DDX10: variants seen among roughly 807,000 people sequenced by gnomAD.
DDX10 encodes the protein DEAD-box helicase 10.
A neutral mutation model predicts 104.3 loss-of-function variants in DDX10; 74 were observed. The ratio of observed to expected loss-of-function variants is 0.71; its 90% CI spans 0.59 to 0.86. The LOEUF is 0.86. DDX10 is among the 40% of genes least tolerant of loss of function. The pLI, the probability that DDX10 is intolerant of heterozygous loss-of-function variation, is 0.00. For synonymous variants in DDX10, 351 were observed against 353.4 expected, an observed-to-expected ratio of 0.99 and a Z score of 0.08; for missense variants, 952 against 1,040.0, an observed-to-expected ratio of 0.92 and a Z score of 1.16.
chr11:108,919,138 G>A (rs1591125592), intron 17 of DDX10: 1 of 152,218 alleles, frequency 6.6e-6, no homozygotes, highest in African/African-American at 2.4e-5. Flanking sequence ...TTTTTTAATA[G>A]GAAAATTCAC....
At chr11:108,932,237 G>A (rs1296259163) in intron 17 of DDX10, among the ~76,000 whole-genome samples, 3 of 151,916 alleles carry the variant, frequency 2.0e-5, no homozygotes, top group South Asian at 2.1e-4. Context: ...GGTATAGTTC[G>A]CTGACCAGGC....
At chr11:108,905,553 C>T (rs920054896) in intron 16 of DDX10, among the ~76,000 whole-genome samples, 2 of 152,172 alleles carry the variant, frequency 1.3e-5, no homozygotes, top group Admixed American at 1.3e-4. Flanking sequence ...ATCAAAGATG[C>T]AGTGTAGTTT....
chr11:108,716,555 G>T (rs2094291721), intron 11 of DDX10, among the ~76,000 whole-genome samples: 1 of 152,106 alleles, frequency 6.6e-6, no homozygotes, highest in Admixed American at 6.6e-5. Flanking sequence ...ACATTATTAA[G>T]TTTTTATTTC....
intron 15 of DDX10, among the ~76,000 whole-genome samples, chr11:108,851,210 A>G (rs917007640): frequency 3.9e-5 from 6 of 152,128 alleles, no homozygotes; most frequent in African/African-American, 1.4e-4. Context: ...TAACACAGGA[A>G]AACTGCATGG....
chr11:108,788,802 T>G lies in DDX10; in HGVS notation c.1966-49644T>G, dbSNP rs968753679. ...AGGCTCTTACTTAGCCACACAACTC[T>G]TTTGTACTTTGGTTCTTTTGTATTT... On this transcript the variant is annotated intron_variant, in intron 13 of 17. Coordinates refer to ENST00000322536, the MANE Select transcript of DDX10 (RefSeq NM_004398.4). 1.2e-4 allele frequency among the ~76,000 whole-genome samples: 19 copies of G among 152,218 alleles called. 1 individual carries two copies. The highest frequency in any genetic ancestry group is 2.8e-4 in the Non-Finnish European group (19 of 68,042).
intron 13 of DDX10, among the ~76,000 whole-genome samples, chr11:108,835,384 A>T (rs1862540179): frequency 6.6e-6 from 1 of 152,196 alleles, no homozygotes; most frequent in Non-Finnish European, 1.5e-5. Context: ...AGGTGGAGGA[A>T]GTGGAGAATG....
At chr11:108,741,016 G>T (rs2094324539) in intron 13 of DDX10, among the ~76,000 whole-genome samples, 1 of 152,082 alleles carries the variant, frequency 6.6e-6, no homozygotes, top group Admixed American at 6.5e-5. Context: ...TCAATCTTTT[G>T]CATATGGCTA....
intron 16 of DDX10, among the ~76,000 whole-genome samples, chr11:108,879,295 C>T (rs866684869): frequency 7.2e-5 from 11 of 152,064 alleles, no homozygotes; most frequent in African/African-American, 1.2e-4. Context: ...CCATCACATC[C>T]GGCCGAAATT....
chr11:108,909,786 G>T (rs1272799173), intron 16 of DDX10, among the ~76,000 whole-genome samples: 1 of 152,082 alleles, frequency 6.6e-6, no homozygotes, highest in East Asian at 1.9e-4. Flanking sequence ...GTACCTGTTG[G>T]ATTGGTGTGA....
At chr11:108,675,943 C>T (rs1017653718) in intron 3 of DDX10, 3 of 551,984 alleles carry the variant, frequency 5.4e-6, no homozygotes, top group Non-Finnish European at 9.6e-6. Context: ...CACTCAATAA[C>T]TTACTGAATG....
At chr11:108,711,346 A>G (rs1461822509) in intron 10 of DDX10, among the ~76,000 whole-genome samples, 1 of 152,048 alleles carries the variant, frequency 6.6e-6, no homozygotes, top group Non-Finnish European at 1.5e-5. Context: ...TTTCTATGTT[A>G]TGTTATGACA....
chr11:108,858,804 A>G (rs922215289), intron 16 of DDX10, among the ~76,000 whole-genome samples: 1 of 152,132 alleles, frequency 6.6e-6, no homozygotes, highest in Non-Finnish European at 1.5e-5. Context: ...CTCAAGTTGC[A>G]TATGGAAAAC....
At chr11:108,791,697 G>C (rs2134548716) in intron 13 of DDX10, among the ~76,000 whole-genome samples, 1 of 152,236 alleles carries the variant, frequency 6.6e-6, no homozygotes, top group Middle Eastern at 3.4e-3. Context: ...TTCCAGAATG[G>C]AAACCTTGTT....
At chr11:108,681,963 CCTTTTT>C (rs1254681982) in intron 6 of DDX10, among the ~76,000 whole-genome samples, 3 of 151,530 alleles carry the variant, frequency 2.0e-5, no homozygotes, top group South Asian at 2.1e-4. Flanking sequence ...GGTTTTTTTG[CCTTTTT>C]CTTATTGGCT....
intron 6 of DDX10, among the ~76,000 whole-genome samples, chr11:108,681,186 G>A (rs1020287314): frequency 1.3e-5 from 2 of 151,910 alleles, no homozygotes; most frequent in South Asian, 2.1e-4. Context: ...TAATTTGTAC[G>A]TATTATTTCC....
At chr11:108,677,936 C>G (rs900211576) in intron 4 of DDX10, among the ~76,000 whole-genome samples, 1 of 151,878 alleles carries the variant, frequency 6.6e-6, no homozygotes, top group Non-Finnish European at 1.5e-5. Context: ...AAGTACAGTC[C>G]TTGAGCGGTG....
intron 9 of DDX10, among the ~76,000 whole-genome samples, chr11:108,697,262 C>A (rs2094261285): frequency 7.0e-6 from 1 of 143,642 alleles, no homozygotes; most frequent in Non-Finnish European, 1.5e-5. Context: ...TAAAACTTGC[C>A]AATAATGGGC....
Position 108,719,854 on chromosome 11 carries a change from G to C in DDX10, c.1468G>C (p.Val490Leu), listed in dbSNP as rs2094296179. 6.2e-7 allele frequency: 1 copy of C among 1,603,938 alleles called. No homozygotes were observed. Among genetic ancestry groups the C allele is most frequent in the African/African-American group, 1.3e-5 (1 of 74,746 alleles). Residue 490 changes from valine (V) to leucine (L), a missense_variant, in exon 12 of 18, where the codon GTG (valine) becomes CTG (leucine). Physicochemically the swap from Val to Leu is conservative, Grantham distance 32. Transcript: ENST00000322536. ...YLMKDKEVFD[V>L]SKLPIPEYAL... ...GATGAAGGATAAAGAAGTATTTGAT[G>C]TGAGCAAGTTACCTATACCTGAATA...
chr11:108,708,485 A>G (rs2094279713), intron 10 of DDX10, among the ~76,000 whole-genome samples: 2 of 151,070 alleles, frequency 1.3e-5, no homozygotes, highest in Admixed American at 6.6e-5. Flanking sequence ...TAAATGTTTC[A>G]TTTTTGGGAG....
Sources: allele counts gnomAD v4.1 joint callset (sites outside exome capture counted in the v4.1 genomes callset), GRCh38; gene constraint gnomAD v4.1.1; transcripts MANE v1.5; gene names NCBI Gene and HGNC (gene_info 2026-07-23, HGNC 2026-07-21).